Variants in ABCA13 observed in about 807,000 individuals in gnomAD.
ABCA13 encodes ATP-binding cassette sub-family A member 13.
In ABCA13, 476 loss-of-function variants were observed where a neutral mutation model predicts 478.7. The observed-to-expected ratio is 0.99, with a 90% CI of 0.92 to 1.07. The LOEUF (loss-of-function observed/expected upper bound fraction) is 1.07. Ranked by LOEUF, ABCA13 falls within the 50% of genes least tolerant of loss-of-function variation. The pLI, the probability that ABCA13 is intolerant of heterozygous loss-of-function variation, is 0.00. For missense variants in ABCA13, 6,060 were observed against 5,910.6 expected, an observed-to-expected ratio of 1.03 and a Z score of -0.83; for synonymous variants, 2,252 against 2,158.9, an observed-to-expected ratio of 1.04 and a Z score of -1.20.
chr7:48,502,863 A>G (rs1830877729), intron 48 of ABCA13, among the ~76,000 whole-genome samples: 1 of 151,878 alleles, frequency 6.6e-6, no homozygotes, highest in African/African-American at 2.4e-5. Context: ...CTGGCTACCA[A>G]CTCTTTCTCT....
intron 55 of ABCA13, among the ~76,000 whole-genome samples, chr7:48,556,607 A>T (rs1785855184): frequency 1.3e-5 from 2 of 152,144 alleles, no homozygotes; most frequent in African/African-American, 2.4e-5. Flanking sequence ...ATTTTGTCTG[A>T]TATAAATATA....
In ABCA13 at chr7:48,352,183, A is replaced by G; in HGVS notation, c.10384A>G (p.Ile3462Val). The G allele has an allele frequency of 6.2e-7, 1 of 1,601,882 alleles. No individual in the cohort carries two copies. Among genetic ancestry groups the G allele is most frequent in the Non-Finnish European group, 8.5e-7 (1 of 1,172,094 alleles). ...LLQQNSFLAS[I>V]IFSNSLFDKN... ...CGTTTTTCCTTTTCTGCCACTAGGT[A>G]TCATTTTCAGCAATTCCTTATTCGA... The change falls in exon 31 of 62, where the codon ATC becomes GTC. Residue 3462 changes from isoleucine (I) to valine (V), a missense_variant and splice_region_variant. By Grantham distance (29) the Ile-to-Val change is conservative. Around this residue, in one of 3 missense-constraint regions of ABCA13, gnomAD observed 4,423 missense variants for 4,309.1 expected, o/e 1.03. Coordinates refer to ENST00000435803, the MANE Select transcript of ABCA13 (RefSeq NM_152701.5).
intron 58 of ABCA13, among the ~76,000 whole-genome samples, chr7:48,602,418 A>G (rs1000543729): frequency 2.1e-4 from 32 of 152,122 alleles, no homozygotes; most frequent in African/African-American, 7.7e-4. Context: ...TAAGGAAGTG[A>G]TCCAGTTTCA....
intron 43 of ABCA13, among the ~76,000 whole-genome samples, chr7:48,463,308 T>A (rs184204774): frequency 6.6e-6 from 1 of 152,348 alleles, no homozygotes; most frequent in East Asian, 1.9e-4. Context: ...TCAAAGCACA[T>A]TCTGCCTCTG....
chr7:48,284,026 T>C (rs1797396431), intron 19 of ABCA13, among the ~76,000 whole-genome samples: 1 of 152,218 alleles, frequency 6.6e-6, no homozygotes, highest in South Asian at 2.1e-4. Context: ...TTGAACATGC[T>C]AGTTGCCCTG....
At chr7:48,475,498 C>T (rs1585494273) in intron 45 of ABCA13, among the ~76,000 whole-genome samples, 2 of 136,158 alleles carry the variant, frequency 1.5e-5, no homozygotes, top group South Asian at 4.7e-4. Context: ...CAGAGTCTCG[C>T]TCTGTCACCC....
At chr7:48,517,809 C>T (rs1025868591) in intron 52 of ABCA13, among the ~76,000 whole-genome samples, 1 of 152,162 alleles carries the variant, frequency 6.6e-6, no homozygotes, top group African/African-American at 2.4e-5. Context: ...CTCAGTAGTT[C>T]CCAAATGTTT....
rs150720834 is a variant in ABCA13 at position 48,394,540 on chromosome 7, T to G, written c.11873+2401T>G. On this transcript the variant is annotated intron_variant, in intron 38 of 61. Coordinates refer to ENST00000435803, the MANE Select transcript of ABCA13 (RefSeq NM_152701.5). ...TTTCTCTGGCTCTTATTTACGACATTTATCATTTCATGACAGCCTCTGTGT... is the reference window on the plus strand; with the variant it reads ...TTTCTCTGGCTCTTATTTACGACATGTATCATTTCATGACAGCCTCTGTGT... Among the ~76,000 whole-genome samples the G allele has an allele frequency of 2.3e-3, 344 of 152,306 alleles. 1 individual carries two copies. Among genetic ancestry groups the G allele is most frequent in the African/African-American group, 7.1e-3 (294 of 41,566 alleles).
chr7:48,538,796 G>C (rs1213571553), intron 55 of ABCA13, among the ~76,000 whole-genome samples: 1 of 152,040 alleles, frequency 6.6e-6, no homozygotes, highest in East Asian at 1.9e-4. Flanking sequence ...AGACACCATA[G>C]TTTAATCTTG....
intron 1 of ABCA13, among the ~76,000 whole-genome samples, chr7:48,185,838 T>G (rs189120929): frequency 6.6e-6 from 1 of 152,130 alleles, no homozygotes; most frequent in East Asian, 1.9e-4. Flanking sequence ...TGTAATATAA[T>G]GTAATTGTTG....
At chr7:48,280,904 A>G (rs2128779947) in intron 18 of ABCA13, among the ~76,000 whole-genome samples, 2 of 152,272 alleles carry the variant, frequency 1.3e-5, no homozygotes, top group Non-Finnish European at 2.9e-5. Flanking sequence ...GTTTGACTTT[A>G]GTGCTCTTCT....
At chr7:48,301,722 G>A (rs1277060053) in intron 23 of ABCA13, among the ~76,000 whole-genome samples, 1 of 152,038 alleles carries the variant, frequency 6.6e-6, no homozygotes, top group African/African-American at 2.4e-5. Flanking sequence ...ATTGGGGTTT[G>A]TGGTCCTTGT....
intron 41 of ABCA13, among the ~76,000 whole-genome samples, chr7:48,416,623 T>G (rs1820031575): frequency 6.6e-6 from 1 of 152,132 alleles, no homozygotes; most frequent in African/African-American, 2.4e-5. Flanking sequence ...TTGCATGAGA[T>G]GCCCTGGGAG....
At chr7:48,329,360 C>G (rs1414870759) in intron 27 of ABCA13, among the ~76,000 whole-genome samples, 1 of 152,076 alleles carries the variant, frequency 6.6e-6, no homozygotes, top group Non-Finnish European at 1.5e-5. Flanking sequence ...GTCTTTTAAG[C>G]TAGTTATTTC....
chr7:48,321,409 T>C (rs1277233317), intron 27 of ABCA13, among the ~76,000 whole-genome samples: 2 of 152,024 alleles, frequency 1.3e-5, no homozygotes, highest in African/African-American at 4.8e-5. Flanking sequence ...CATCCTGGCT[T>C]CTCCTCTACT....
chr7:48,282,329 T>C (rs989476280), intron 19 of ABCA13, among the ~76,000 whole-genome samples: 1 of 152,196 alleles, frequency 6.6e-6, no homozygotes, highest in Non-Finnish European at 1.5e-5. Context: ...CACAGTTGTT[T>C]AAGTAATTCA....
intron 42 of ABCA13, among the ~76,000 whole-genome samples, chr7:48,442,936 G>A (rs942404709): frequency 6.6e-6 from 1 of 152,174 alleles, no homozygotes; most frequent in Non-Finnish European, 1.5e-5. Context: ...GTTTGTTGAA[G>A]TCTTAACCCT....
chr7:48,398,016 G>A (rs1406933502), intron 38 of ABCA13, among the ~76,000 whole-genome samples: 2 of 152,314 alleles, frequency 1.3e-5, no homozygotes, highest in Middle Eastern at 3.4e-3. Flanking sequence ...GCTGGAAATA[G>A]TAATAATGTT....
At position 48,350,729 on chromosome 7, in the gene ABCA13, G is replaced by A. The variant is rs754740151; in HGVS notation, c.10291G>A (p.Val3431Met). The A allele has an allele frequency of 1.2e-5, 19 of 1,613,784 alleles. No individual in the cohort carries two copies. Among genetic ancestry groups the A allele is most frequent in the South Asian group, 6.6e-5 (6 of 91,088 alleles). Residue 3431 changes from valine (V) to methionine (M), a missense_variant, in exon 30 of 62, where the codon GTG becomes ATG. Val to Met is a conservative substitution (Grantham distance 21). Coordinates refer to ENST00000435803, the MANE Select transcript of ABCA13 (RefSeq NM_152701.5). ...CATCTTGGTCAATCTCTCTTCCTGC[G>A]TGGCACTGAACCGTTTCCAGGCTCT... ...GSILVNLSSC[V>M]ALNRFQALQS...
Sources: gnomAD v4.1 joint callset for allele counts (sites outside exome capture counted in the v4.1 genomes callset) on GRCh38, gnomAD v4.1.1 for gene constraint, gnomAD v4.1.1 regional missense constraint, MANE v1.5 for transcripts, NCBI Gene and HGNC (gene_info 2026-07-23, HGNC 2026-07-21) for gene names.